The following PDE10A variants were observed in gnomAD, a reference collection of about 807,000 sequenced individuals.
PDE10A encodes the protein phosphodiesterase 10A.
Under a neutral mutation model 97.7 loss-of-function variants are expected in PDE10A, and 39 were observed. The ratio of observed to expected loss-of-function variants is 0.40; its 90% CI spans 0.31 to 0.52. PDE10A has a LOEUF of 0.52. PDE10A is among the 20% of genes least tolerant of loss of function. The pLI is 0.56. For synonymous variants in PDE10A, 371 were observed against 376.8 expected (o/e 0.98, Z 0.18); for missense variants, 731 against 1,047.8 (o/e 0.70, Z 4.17).
intron 1 of PDE10A, among the ~76,000 whole-genome samples, chr6:165,561,002 G>A (rs866015120): frequency 2.0e-5 from 3 of 152,016 alleles, no homozygotes; most frequent in Non-Finnish European, 4.4e-5. Context: ...GGCGGATCAC[G>A]AGGTCAGGAG....
chr6:165,488,645 G>A (rs993403613), intron 2 of PDE10A, among the ~76,000 whole-genome samples: 5 of 152,138 alleles, frequency 3.3e-5, no homozygotes, highest in South Asian at 4.1e-4. Context: ...TGAGACAGCC[G>A]AGGAACTGTG....
Position 165,498,971 on chromosome 6 carries a change from T to C in PDE10A, c.995-16628A>G, listed in dbSNP as rs140583221. ...TTCATTCCACTTATCTGACATTAGATCAAATGTGCACTAGATAGAGGAAAT... is the reference window on the plus strand; with the variant it reads ...TTCATTCCACTTATCTGACATTAGACCAAATGTGCACTAGATAGAGGAAAT... On this transcript the variant is annotated intron_variant, in intron 2 of 21. Coordinates refer to ENST00000539869, the MANE Select transcript of PDE10A (RefSeq NM_001385079.1). Among the ~76,000 whole-genome samples, 906 of 152,312 alleles carry C rather than the reference T, an allele frequency of 5.9e-3. 7 individuals are homozygous for C. The highest frequency in any genetic ancestry group is 8.7e-3 in the Non-Finnish European group (589 of 68,026).
rs1054198504 is a variant in PDE10A at position 165,430,559 on chromosome 6, C to T, written c.1543-214G>A. On this transcript the variant is annotated intron_variant, in intron 8 of 21. Transcript: ENST00000539869. The stretch of plus-strand genomic sequence containing the variant: ...CACTTTCTATTTATTGTCTCAAGCA[C>T]CACAAAACATTATAGGTTTGGAATT... Among the ~76,000 whole-genome samples the T allele has an allele frequency of 2.6e-5, 4 of 151,996 alleles. No homozygotes were observed. In the South Asian group the frequency reaches 6.2e-4, roughly 24 times the overall value.
At position 165,661,871 on chromosome 6, in the gene PDE10A, C is replaced by T. The variant is rs1790284266; in HGVS notation, c.865+76G>A. The T allele has an allele frequency of 1.4e-6, 1 of 699,564 alleles. No individual in the cohort carries two copies. Among genetic ancestry groups the T allele is most frequent in the Non-Finnish European group, 2.5e-6 (1 of 393,752 alleles). The allele number at this position is 699,564 out of a possible 1,614,324, so 43.3% of individuals were successfully genotyped here. ...CGCTCGACACCCGCTTCCCACCCAG[C>T]AGTCCAAGCCCCCCACCTGCCCCCA... On this transcript the variant is annotated intron_variant, in intron 1 of 21. Transcript: ENST00000539869. This position sits in a 1 kb window ranked among gnomAD's most constrained non-coding sequence, Gnocchi z 4.8.
At chr6:165,986,265 TC>T in intron 1 of PDE10A, 1 of 152,336 alleles carries the variant, frequency 6.6e-6, no homozygotes, top group Non-Finnish European at 1.5e-5. Context: ...CCCCTGGCCC[TC>T]CCCCCTCGGA....
intron 11 of PDE10A, among the ~76,000 whole-genome samples, chr6:165,417,928 A>T (rs1303334527): frequency 2.0e-5 from 3 of 152,236 alleles, no homozygotes; most frequent in African/African-American, 7.2e-5. Flanking sequence ...CGAGACACAT[A>T]CAGCAAAAGA....
In PDE10A at chr6:165,790,382, C is replaced by T. The variant is rs149832599; in HGVS notation, c.-615+197147G>A. On this transcript the variant is annotated intron_variant, in intron 1 of 19. Transcript: ENST00000366882. ...TACATGGAATATGCCCTGAAAACAG[C>T]GGTGCTCTGTTTGCACACTTCTCTG... Among the ~76,000 whole-genome samples the T allele has an allele frequency of 1.1e-3, 161 of 152,226 alleles. 1 individual carries two copies. Among genetic ancestry groups the T allele is most frequent in the African/African-American group, 3.7e-3 (152 of 41,550 alleles).
intron 3 of PDE10A, among the ~76,000 whole-genome samples, chr6:165,462,529 C>T (rs1052099015): frequency 2.0e-5 from 3 of 152,302 alleles, no homozygotes; most frequent in African/African-American, 7.2e-5. Flanking sequence ...CACCTAAAAC[C>T]TTATCATGAG....
intron 1 of PDE10A, among the ~76,000 whole-genome samples, chr6:165,982,503 G>A (rs750885015): frequency 2.6e-5 from 4 of 152,180 alleles, no homozygotes; most frequent in Non-Finnish European, 4.4e-5. Context: ...GGGGAGAGGG[G>A]AGAATAGAGA....
Position 165,947,286 on chromosome 6 carries a change from T to C in PDE10A, c.-615+40243A>G, listed in dbSNP as rs1046715305. ...ATTTAGGATTAGACTACATGTTAAG[T>C]GATGCTGTGTACATAAAGCCTGGTT... On this transcript the variant is annotated intron_variant, in intron 1 of 19. Transcript: ENST00000366882. 1.8e-4 allele frequency: 28 copies of C among 152,226 alleles called. 1 individual carries two copies. Among genetic ancestry groups the C allele is most frequent in the Admixed American group, 1.8e-3 (28 of 15,282 alleles). 9.4% of individuals were successfully genotyped at this position (152,226 alleles called of 1,614,324 possible). A position where few individuals can be genotyped will look rare whatever the true frequency, so the allele number is the denominator to read the frequency against.
intron 18 of PDE10A, among the ~76,000 whole-genome samples, chr6:165,362,659 C>T (rs1339064232): frequency 6.6e-6 from 1 of 152,152 alleles, no homozygotes; most frequent in Non-Finnish European, 1.5e-5. Context: ...AATACAAATT[C>T]TTCATAAACT....
At chr6:165,956,886 T>C (rs1784149398) in intron 1 of PDE10A, among the ~76,000 whole-genome samples, 1 of 152,216 alleles carries the variant, frequency 6.6e-6, no homozygotes, top group African/African-American at 2.4e-5. Flanking sequence ...TAAGGAGCTA[T>C]TGACTGCATG....
At chr6:165,963,658 G>A (rs185975120) in intron 1 of PDE10A, among the ~76,000 whole-genome samples, 44 of 152,304 alleles carry the variant, frequency 2.9e-4, no homozygotes, top group African/African-American at 8.7e-4. Flanking sequence ...GTGGGTGACC[G>A]GAGGAAGGCA....
At chr6:165,346,347 A>G (rs1284932390) in intron 18 of PDE10A, among the ~76,000 whole-genome samples, 3 of 152,212 alleles carry the variant, frequency 2.0e-5, no homozygotes, top group Non-Finnish European at 2.9e-5. Context: ...AGGTAGAGCC[A>G]AATGCAAATT....
At chr6:165,401,582 A>T (rs1324352040) in intron 13 of PDE10A, among the ~76,000 whole-genome samples, 2 of 152,226 alleles carry the variant, frequency 1.3e-5, no homozygotes, top group Admixed American at 1.3e-4. Context: ...ACGCATGAAC[A>T]TTCTGAAATC....
At chr6:165,572,588 G>A (rs1395107875) in intron 1 of PDE10A, among the ~76,000 whole-genome samples, 2 of 152,192 alleles carry the variant, frequency 1.3e-5, no homozygotes, top group Non-Finnish European at 2.9e-5. Flanking sequence ...CTTCCTTGGT[G>A]ACAAAAATGT....
rs919033333 is a variant in PDE10A at position 165,346,444 on chromosome 6, TATTA to T, written c.2784-2946_2784-2943del. On this transcript the variant is annotated intron_variant, in intron 18 of 21. Coordinates refer to ENST00000539869, the MANE Select transcript of PDE10A (RefSeq NM_001385079.1). ...CCCTCCTTTCTCCCCGACTGCCATG[TATTA>T]ATTATCCCAGATCAAGTGGAGCAGA... is the stretch of plus-strand genomic sequence containing the variant. Among the ~76,000 whole-genome samples, 131 of 152,320 alleles carry T rather than the reference TATTA, an allele frequency of 8.6e-4. 1 individual carries two copies. Among genetic ancestry groups the T allele is most frequent in the Admixed American group, 2.6e-3 (40 of 15,306 alleles).
In PDE10A at chr6:165,597,602, G is replaced by A. The variant is rs369720798; in HGVS notation, c.866-54034C>T. On this transcript the variant is annotated intron_variant, in intron 1 of 21. Transcript: ENST00000539869. Reference sequence around the variant, plus strand: ...AACACTCCCTCAAATATGTCCAAACGTAGCACATAAACAAAGACTTACGTG... The same window carrying A: ...AACACTCCCTCAAATATGTCCAAACATAGCACATAAACAAAGACTTACGTG... Among the ~76,000 whole-genome samples the A allele has an allele frequency of 2.5e-3, 374 of 152,240 alleles. 3 individuals carry two copies. The highest frequency in any genetic ancestry group is 8.7e-3 in the African/African-American group (362 of 41,544).
At chr6:165,351,167 T>C (rs201383858) in intron 18 of PDE10A, among the ~76,000 whole-genome samples, 1 of 152,258 alleles carries the variant, frequency 6.6e-6, no homozygotes, top group Non-Finnish European at 1.5e-5. Context: ...ACAATGACTT[T>C]ATACACAATT....
Sources: allele counts gnomAD v4.1 joint callset (sites outside exome capture counted in the v4.1 genomes callset), GRCh38; gene constraint gnomAD v4.1.1; non-coding constraint Gnocchi (gnomAD v3.1); transcripts MANE v1.5; gene names NCBI Gene and HGNC (gene_info 2026-07-23, HGNC 2026-07-21).